WDR48: variants seen among roughly 807,000 people sequenced by gnomAD.
WDR48 encodes the protein WD repeat domain 48.
A neutral mutation model predicts 94.0 loss-of-function variants in WDR48; 22 were observed. The ratio of observed to expected loss-of-function variants is 0.23; its 90% CI spans 0.17 to 0.33. The LOEUF is 0.33. Among genes scored for constraint, WDR48 ranks in the 10% least tolerant of loss-of-function variants. The pLI is 1.00. For missense variants in WDR48, 541 were observed against 813.8 expected, an observed-to-expected ratio of 0.66 and a Z score of 4.08; for synonymous variants, 278 against 280.5, an observed-to-expected ratio of 0.99 and a Z score of 0.09.
At chr3:39,068,615 A>G (rs554009752) in intron 5 of WDR48, among the ~76,000 whole-genome samples, 156 bp from the exon 6 acceptor site, 1 of 152,304 alleles carries the variant, frequency 6.6e-6, no homozygotes, top group East Asian at 1.9e-4. Context: ...TGATAATAAT[A>G]CTGTTTAGAT....
At chr3:39,063,591 A>C (rs1450294718) in intron 2 of WDR48, among the ~76,000 whole-genome samples, 1 of 152,124 alleles carries the variant, frequency 6.6e-6, no homozygotes, top group Non-Finnish European at 1.5e-5. Context: ...AAAATATTTT[A>C]TTTTCCTCAC....
At position 39,093,529 on chromosome 3, in the gene WDR48, A is replaced by G. The variant is rs573211594; in HGVS notation, c.1746-345A>G. 2.6e-5 allele frequency among the ~76,000 whole-genome samples: 4 copies of G among 152,230 alleles called. No homozygotes were observed. The South Asian group carries it at 6.2e-4, about 24-fold the overall frequency. ...TGTATTTTAGTAGAGACGGGATTTCACCATGTTGGTTAGCCAGGCTGGTCT... is the reference window on the plus strand; with the variant it reads ...TGTATTTTAGTAGAGACGGGATTTCGCCATGTTGGTTAGCCAGGCTGGTCT... On this transcript the variant is annotated intron_variant, in intron 17 of 18. Transcript: ENST00000302313.
chr3:39,054,358 A>G (rs1450131445), intron 1 of WDR48, among the ~76,000 whole-genome samples: 1 of 152,180 alleles, frequency 6.6e-6, no homozygotes, highest in East Asian at 1.9e-4. Context: ...CTTTGGCATC[A>G]TCCCTGGCTT....
chr3:39,062,190 T>C (rs1293519644), intron 1 of WDR48, among the ~76,000 whole-genome samples: 2 of 152,240 alleles, frequency 1.3e-5, no homozygotes, highest in South Asian at 4.1e-4. Flanking sequence ...GCCTGTGTCC[T>C]GAATTGTATT....
chr3:39,083,606 C>T (rs929196747), intron 11 of WDR48, among the ~76,000 whole-genome samples: 1 of 152,070 alleles, frequency 6.6e-6, no homozygotes, highest in Non-Finnish European at 1.5e-5. Context: ...GTGGCAAGGT[C>T]AGAGGTAGAA....
At chr3:39,073,301 G>A (rs922676505) in intron 7 of WDR48, among the ~76,000 whole-genome samples, 3 of 152,240 alleles carry the variant, frequency 2.0e-5, no homozygotes, top group East Asian at 1.9e-4. Context: ...TGGTTCCCTT[G>A]TAAACTAGCT....
intron 11 of WDR48, among the ~76,000 whole-genome samples, chr3:39,080,211 C>G (rs2034449152): frequency 6.6e-6 from 1 of 152,164 alleles, no homozygotes; most frequent in Admixed American, 6.5e-5. Context: ...CCTCCCTCCC[C>G]CTAGGTGTGG....
intron 14 of WDR48, chr3:39,086,202 AGAG>A (rs2034802024): frequency 6.6e-6 from 1 of 152,334 alleles, no homozygotes; most frequent in African/African-American, 2.4e-5. Flanking sequence ...CCTGAGCAGC[AGAG>A]GAGAACATGT....
At position 39,091,794 on chromosome 3, in the gene WDR48, G is replaced by C. The variant is rs2035085020; in HGVS notation, c.1745+93G>C. The C allele has an allele frequency of 3.7e-5, 39 of 1,050,608 alleles. No homozygotes were observed. In the South Asian group the frequency reaches 6.3e-4, roughly 17 times the overall value. 65.1% of individuals were successfully genotyped at this position (1,050,608 alleles called of 1,614,324 possible). A position where few individuals can be genotyped will look rare whatever the true frequency, so the allele number is the denominator to read the frequency against. ...TTTATAGCAAAGGAAGCAAATACCA[G>C]ATCTAAGGCTGATTTTATAATATTC... On this transcript the variant is annotated intron_variant, in intron 17 of 18. Transcript: ENST00000302313.
intron 1 of WDR48, 54 bp from the exon 2 acceptor site, chr3:39,062,991 ATATTT>A: frequency 6.3e-7 from 1 of 1,591,696 alleles, no homozygotes. Context: ...CTAGTAGACT[ATATTT>A]TATTACTGCA....
chr3:39,068,831 C>G lies in WDR48; in HGVS notation c.542C>G (p.Thr181Arg). ...AGCCTGGCCATGAATCAACTGGGAA[C>G]AATCATTGTATCAGGGTCCACTGAA... ...IYSLAMNQLG[T>R]IIVSGSTEKV... Residue 181 changes from threonine to arginine, a missense_variant, in exon 6 of 19, where the codon ACA becomes AGA. Thr to Arg is a moderately conservative substitution (Grantham distance 71). This residue lies in a region of WDR48 where 104 missense variants were observed against 189.7 expected (regional missense o/e 0.55). Transcript: ENST00000302313. 1 of 1,602,150 alleles carries G rather than the reference C, an allele frequency of 6.2e-7. No homozygotes were observed. Among genetic ancestry groups the G allele is most frequent in the Non-Finnish European group, 8.5e-7 (1 of 1,171,854 alleles).
chr3:39,067,006 C>A lies in WDR48; in HGVS notation c.481+131C>A. On this transcript the variant is annotated intron_variant, in intron 5 of 18. Coordinates refer to ENST00000302313, the MANE Select transcript of WDR48 (RefSeq NM_020839.4). Reference sequence around the variant, plus strand: ...ATTTTGAGAGTGCTTCTACCTACAGCGTTCTGGCCCCCAAGAGTATGATTG... The same window carrying A: ...ATTTTGAGAGTGCTTCTACCTACAGAGTTCTGGCCCCCAAGAGTATGATTG... 5.6e-6 allele frequency: 6 copies of A among 1,072,508 alleles called. No homozygotes were observed. The South Asian group carries it at 6.4e-5, about 11-fold the overall frequency. 66.4% of individuals were successfully genotyped at this position (1,072,508 alleles called of 1,614,324 possible).
rs1284028910 is a variant in WDR48, at chr3:39,052,282, C to T, written c.48+209C>T. 31 of 573,860 alleles carry T rather than the reference C, an allele frequency of 5.4e-5. No homozygotes were observed. The East Asian group carries it at 1.0e-3, about 19-fold the overall frequency. 35.5% of individuals were successfully genotyped at this position (573,860 alleles called of 1,614,324 possible). A position where few individuals can be genotyped will look rare whatever the true frequency, so the allele number is the denominator to read the frequency against. On this transcript the variant is annotated intron_variant, in intron 1 of 18. Transcript: ENST00000302313. Reference sequence around the variant, plus strand: ...TTGCTTGGCCCTTGGGGCCCAGGCCCGGGACCCTCGTGGGCGGCATTCTGA... The same window carrying T: ...TTGCTTGGCCCTTGGGGCCCAGGCCTGGGACCCTCGTGGGCGGCATTCTGA...
chr3:39,057,150 A>G (rs982918407), intron 1 of WDR48, among the ~76,000 whole-genome samples: 1 of 152,232 alleles, frequency 6.6e-6, no homozygotes, highest in Non-Finnish European at 1.5e-5. Context: ...AGTCACAACA[A>G]TATAGCACGG....
At chr3:39,052,378 C>T (rs1178682019) in intron 1 of WDR48, 1 of 350,032 alleles carries the variant, frequency 2.9e-6, no homozygotes, top group East Asian at 7.1e-5. Flanking sequence ...CGTTCCCCGC[C>T]CACTTGCCTC....
rs1051035978 is a variant in WDR48, at chr3:39,078,083, C to G, written c.973-54C>G. On this transcript the variant is annotated intron_variant, in intron 9 of 18. Coordinates refer to ENST00000302313, the MANE Select transcript of WDR48 (RefSeq NM_020839.4). The stretch of plus-strand genomic sequence containing the variant: ...TATTTTTCTTGCCACTTTAAACAGG[C>G]TGGCAAAGCTTGTAGAGCATAACAT... The G allele has an allele frequency of 3.7e-6, 5 of 1,356,470 alleles. No individual in the cohort carries two copies. In the African/African-American group the frequency reaches 7.3e-5, roughly 20 times the overall value. The allele number at this position is 1,356,470 out of a possible 1,614,324, so 84.0% of individuals were successfully genotyped here. A position where few individuals can be genotyped will look rare whatever the true frequency, so the allele number is the denominator to read the frequency against.
rs1417909283 is a variant in WDR48, at chr3:39,074,879, A to C, written c.826A>C (p.Ile276Leu). Reference sequence around the variant, plus strand: ...GTATTCTGGTGGAAGGGACAGGAAGATTTATTGTACAGACCTAAGAAACCC... The same window carrying C: ...GTATTCTGGTGGAAGGGACAGGAAGCTTTATTGTACAGACCTAAGAAACCC... ...HVYSGGRDRK[I>L]YCTDLRNPDI... is the part of the protein sequence containing the mutation. Residue 276 changes from isoleucine to leucine, a missense_variant, in exon 8 of 19, where the codon ATT becomes CTT. Coordinates refer to ENST00000302313, the MANE Select transcript of WDR48 (RefSeq NM_020839.4). 2 of 1,614,214 alleles carry C rather than the reference A, an allele frequency of 1.2e-6. No individual in the cohort carries two copies. The highest frequency in any genetic ancestry group is 1.7e-6 in the Non-Finnish European group (2 of 1,180,042).
Position 39,090,620 on chromosome 3 carries a change from G to C in WDR48, c.1669-1005G>C, listed in dbSNP as rs1376062835. 3 of 151,994 alleles carry C rather than the reference G, an allele frequency of 2.0e-5. No homozygotes were observed. The East Asian group carries it at 5.8e-4, about 29-fold the overall frequency. 9.4% of individuals were successfully genotyped at this position (151,994 alleles called of 1,614,324 possible). Reference sequence around the variant, plus strand: ...AGTAGGATTTAGACTTTTTCCAAAGGGACAGCTAGTGTGCTAGCACAATTT... The same window carrying C: ...AGTAGGATTTAGACTTTTTCCAAAGCGACAGCTAGTGTGCTAGCACAATTT... On this transcript the variant is annotated intron_variant, in intron 16 of 18. Transcript: ENST00000302313.
intron 7 of WDR48, among the ~76,000 whole-genome samples, chr3:39,073,049 CCAT>C (rs776649511): frequency 6.6e-6 from 1 of 152,170 alleles, no homozygotes; most frequent in Non-Finnish European, 1.5e-5. Flanking sequence ...GGACTTCTAA[CCAT>C]CATATCTTAC....
Sources: gnomAD v4.1 joint callset for allele counts (sites outside exome capture counted in the v4.1 genomes callset) on GRCh38, gnomAD v4.1.1 for gene constraint, gnomAD v4.1.1 regional missense constraint, MANE v1.5 for transcripts, NCBI Gene and HGNC (gene_info 2026-07-23, HGNC 2026-07-21) for gene names.